Variants in RUNX1 observed in about 807,000 individuals in gnomAD.
The protein encoded by RUNX1 is RUNX family transcription factor 1, also known as runt-related transcription factor 1.
RUNX1 carries 19 observed loss-of-function variants against 42.8 expected under a neutral mutation model. That is an observed-to-expected ratio of 0.44 (90% CI 0.31 to 0.65). The LOEUF is 0.65. Ranked by LOEUF, RUNX1 falls within the 30% of genes least tolerant of loss-of-function variation. The probability of loss-of-function intolerance (pLI) is 0.07; values close to 1 mark genes in which losing one functional copy is unlikely to be tolerated. For missense variants in RUNX1, 528 were observed against 672.0 expected, an observed-to-expected ratio of 0.79 and a Z score of 2.37; for synonymous variants, 271 against 289.4, an observed-to-expected ratio of 0.94 and a Z score of 0.64.
At chr21:34,968,240 CA>C (rs1014814047) in intron 2 of RUNX1, among the ~76,000 whole-genome samples, 2 of 152,160 alleles carry the variant, frequency 1.3e-5, no homozygotes, top group African/African-American at 4.8e-5. Flanking sequence ...CTGATTCCTC[CA>C]AAGCAATGTG....
intron 2 of RUNX1, among the ~76,000 whole-genome samples, chr21:34,931,838 A>G (rs2058449675): frequency 6.6e-6 from 1 of 151,860 alleles, no homozygotes; most frequent in Non-Finnish European, 1.5e-5. Context: ...GGACAGTGGG[A>G]GATAGGGCTG....
At chr21:34,906,598 G>A (rs1044760874) in intron 2 of RUNX1, among the ~76,000 whole-genome samples, 3 of 152,302 alleles carry the variant, frequency 2.0e-5, no homozygotes, top group Admixed American at 6.5e-5. Flanking sequence ...AGCAGTGAAA[G>A]TAAGAATTTG....
chr21:34,967,685 G>T (rs2058731747), intron 2 of RUNX1, among the ~76,000 whole-genome samples: 2 of 152,178 alleles, frequency 1.3e-5, no homozygotes, highest in Non-Finnish European at 2.9e-5. Flanking sequence ...CAGTGAGGGT[G>T]ACTCATTAAT....
At chr21:34,920,793 T>TC (rs397702573) in intron 2 of RUNX1, among the ~76,000 whole-genome samples, 2 of 151,798 alleles carry the variant, frequency 1.3e-5, no homozygotes, top group African/African-American at 2.4e-5. Flanking sequence ...TTCATGTTTT[T>TC]TCTAGTTTTA....
At chr21:34,919,513 T>C (rs1001794757) in intron 2 of RUNX1, among the ~76,000 whole-genome samples, 2 of 152,220 alleles carry the variant, frequency 1.3e-5, no homozygotes, top group Admixed American at 6.5e-5. Context: ...CCAGGCACCA[T>C]TGGCCTGCCT....
At chr21:34,858,434 A>G (rs912179090) in intron 6 of RUNX1, among the ~76,000 whole-genome samples, 23 of 152,178 alleles carry the variant, frequency 1.5e-4, no homozygotes, top group Admixed American at 6.5e-5. Flanking sequence ...TTGATCTTAT[A>G]AAGAAGCTCT....
At chr21:35,014,357 G>C (rs1363999320) in intron 2 of RUNX1, among the ~76,000 whole-genome samples, 1 of 152,188 alleles carries the variant, frequency 6.6e-6, no homozygotes, top group Non-Finnish European at 1.5e-5. Context: ...TAGGTGTATA[G>C]TTGTTCAGGT....
At chr21:34,870,890 G>A (rs183674853) in intron 5 of RUNX1, among the ~76,000 whole-genome samples, 28 of 152,222 alleles carry the variant, frequency 1.8e-4, no homozygotes, top group Non-Finnish European at 3.1e-4. Context: ...CACAGGAGGC[G>A]GAGGCTGCAG....
At chr21:34,845,230 T>TA (rs1451350768) in intron 6 of RUNX1, among the ~76,000 whole-genome samples, 1 of 152,174 alleles carries the variant, frequency 6.6e-6, no homozygotes, top group Non-Finnish European at 1.5e-5. Context: ...AAGTTCTGTT[T>TA]ATTCCAAGAC....
At chr21:34,989,973 G>T (rs921645469) in intron 2 of RUNX1, among the ~76,000 whole-genome samples, 2 of 152,220 alleles carry the variant, frequency 1.3e-5, no homozygotes, top group Non-Finnish European at 2.9e-5. Context: ...TGCTCACAGG[G>T]TGGAAGGAGG....
intron 2 of RUNX1, among the ~76,000 whole-genome samples, chr21:34,921,425 T>C (rs895850178): frequency 6.6e-6 from 1 of 152,212 alleles, no homozygotes; most frequent in African/African-American, 2.4e-5. Flanking sequence ...TCACTCATTA[T>C]AATGTCCTCA....
At chr21:34,916,019 A>G (rs2058309389) in intron 2 of RUNX1, among the ~76,000 whole-genome samples, 1 of 152,194 alleles carries the variant, frequency 6.6e-6, no homozygotes, top group South Asian at 2.1e-4. Flanking sequence ...TTAAGAATAG[A>G]AGAGTTTTTT....
chr21:34,822,515 A>C (rs2056922809), intron 7 of RUNX1, among the ~76,000 whole-genome samples: 1 of 152,222 alleles, frequency 6.6e-6, no homozygotes, highest in Non-Finnish European at 1.5e-5. Context: ...GGTGAGTCTC[A>C]TGCTTCAAAA....
chr21:35,000,916 G>A lies in RUNX1; in HGVS notation c.58+47926C>T, dbSNP rs142957702. Reference sequence around the variant, plus strand: ...GGTGCCAGGCTGAGCTAAGGATAAGGCAGCAGAAAGCAAAAGGCAACCTCG... The same window carrying A: ...GGTGCCAGGCTGAGCTAAGGATAAGACAGCAGAAAGCAAAAGGCAACCTCG... On this transcript the variant is annotated intron_variant, in intron 2 of 8. Transcript: ENST00000675419. Among the ~76,000 whole-genome samples the A allele has an allele frequency of 5.6e-3, 846 of 152,284 alleles. 7 individuals are homozygous for A. Among genetic ancestry groups the A allele is most frequent in the Non-Finnish European group, 8.1e-3 (552 of 68,030 alleles).
At chr21:35,041,403 T>C (rs2059358051) in intron 2 of RUNX1, among the ~76,000 whole-genome samples, 1 of 152,240 alleles carries the variant, frequency 6.6e-6, no homozygotes, top group Admixed American at 6.5e-5. Flanking sequence ...CTATTTGTGA[T>C]GACCTTTCCC....
intron 4 of RUNX1, among the ~76,000 whole-genome samples, chr21:34,885,293 C>A (rs1352487741): frequency 2.0e-5 from 3 of 152,166 alleles, no homozygotes; most frequent in Non-Finnish European, 4.4e-5. Context: ...CATGGCCCAA[C>A]CCTGTTGGGT....
intron 2 of RUNX1, among the ~76,000 whole-genome samples, chr21:35,012,220 T>C (rs957747321): frequency 1.3e-5 from 2 of 152,170 alleles, no homozygotes; most frequent in Non-Finnish European, 2.9e-5. Context: ...GCTCCAAGAG[T>C]ACAGGTTAGT....
chr21:34,868,924 A>G (rs2057700139), intron 5 of RUNX1, among the ~76,000 whole-genome samples: 1 of 152,222 alleles, frequency 6.6e-6, no homozygotes, highest in Non-Finnish European at 1.5e-5. Flanking sequence ...GTTCTAATAA[A>G]ACAGGAATAG....
Position 34,788,968 on chromosome 21 carries a change from T to A in RUNX1, c.*3167A>T, listed in dbSNP as rs148611555. The A allele has an allele frequency of 1.3e-5, 3 of 233,334 alleles. No homozygotes were observed. Among genetic ancestry groups the A allele is most frequent in the African/African-American group, 6.6e-5 (3 of 45,466 alleles). The allele number at this position is 233,334 out of a possible 1,614,324, so 14.5% of individuals were successfully genotyped here. A position where few individuals can be genotyped will look rare whatever the true frequency, so the allele number is the denominator to read the frequency against. On this transcript the variant is annotated 3_prime_UTR_variant, in exon 9 of 9. Coordinates refer to ENST00000675419, the MANE Select transcript of RUNX1 (RefSeq NM_001754.5). The stretch of plus-strand genomic sequence containing the variant: ...AATCCTAAATTGCAGGACATTTGAG[T>A]GGAACCATTCATTTCCTTTCTAATC...
Sources: allele counts gnomAD v4.1 joint callset (sites outside exome capture counted in the v4.1 genomes callset), GRCh38; gene constraint gnomAD v4.1.1; transcripts MANE v1.5; gene names NCBI Gene and HGNC (gene_info 2026-07-23, HGNC 2026-07-21).